NBEA: variants seen among roughly 807,000 people sequenced by gnomAD.
NBEA encodes the protein neurobeachin.
NBEA carries 44 observed loss-of-function variants against 343.4 expected under a neutral mutation model. That is an observed-to-expected ratio of 0.13 (90% CI 0.10 to 0.16). The LOEUF is 0.16. NBEA is among the 10% of genes least tolerant of loss of function. The pLI is 1.00. For missense variants in NBEA, 2,555 were observed against 3,631.3 expected, an observed-to-expected ratio of 0.70 and a Z score of 7.62; for synonymous variants, 1,175 against 1,238.7, an observed-to-expected ratio of 0.95 and a Z score of 1.08.
intron 33 of NBEA, among the ~76,000 whole-genome samples, chr13:35,220,770 A>G (rs966033652): frequency 7.9e-5 from 12 of 152,012 alleles, no homozygotes; most frequent in Admixed American, 3.3e-4. Flanking sequence ...CTTTCATTCA[A>G]TTTTGAAACT....
chr13:35,356,573 A>G (rs2040502670), intron 38 of NBEA, among the ~76,000 whole-genome samples: 2 of 152,182 alleles, frequency 1.3e-5, no homozygotes, highest in African/African-American at 4.8e-5. Flanking sequence ...TATTTATGTC[A>G]TACTTAGGAG....
intron 47 of NBEA, among the ~76,000 whole-genome samples, chr13:35,601,183 A>C (rs35311842): frequency 0.86 from 128,063 of 148,530 alleles, 56,017 homozygotes; most frequent in East Asian, 0.96. Context: ...TCTCAACAAA[A>C]AAAAAAAAAA....
chr13:34,942,669 C>G lies in NBEA; in HGVS notation c.-152C>G. The G allele has an allele frequency of 4.3e-6, 2 of 460,582 alleles. No individual in the cohort carries two copies. The highest frequency in any genetic ancestry group is 6.8e-6 in the Non-Finnish European group (2 of 293,428). 28.5% of individuals were successfully genotyped at this position (460,582 alleles called of 1,614,324 possible). On this transcript the variant is annotated 5_prime_UTR_variant, in exon 1 of 59. Transcript: ENST00000379939. The stretch of plus-strand genomic sequence containing the variant: ...GGGGAGAGCGCCGGAGCGGGCCGGG[C>G]TGAGGCGCAGGCGGGGAGCGGGCCC...
intron 53 of NBEA, among the ~76,000 whole-genome samples, chr13:35,654,639 A>C (rs1422688677): frequency 1.3e-5 from 2 of 152,186 alleles, no homozygotes; most frequent in Non-Finnish European, 2.9e-5. Flanking sequence ...GGGAGAACTA[A>C]AATTTCTGGC....
chr13:35,568,866 A>T (rs2080260155), intron 45 of NBEA, among the ~76,000 whole-genome samples: 1 of 152,226 alleles, frequency 6.6e-6, no homozygotes, highest in Non-Finnish European at 1.5e-5. Context: ...TAGGAACAAG[A>T]ACTCTGCAGC....
At chr13:35,200,189 TTAGA>T (rs1163843612) in intron 31 of NBEA, among the ~76,000 whole-genome samples, 13 of 152,138 alleles carry the variant, frequency 8.5e-5, no homozygotes, top group African/African-American at 2.6e-4. Flanking sequence ...TACTATCTCT[TTAGA>T]TAGATTGCTA....
intron 49 of NBEA, among the ~76,000 whole-genome samples, chr13:35,637,718 A>G (rs1011794605): frequency 6.6e-6 from 1 of 152,158 alleles, no homozygotes; most frequent in African/African-American, 2.4e-5. Context: ...GCTACTCGGG[A>G]GGCTGAGGCA....
At chr13:35,059,964 G>A (rs1280998042) in intron 8 of NBEA, among the ~76,000 whole-genome samples, 1 of 151,654 alleles carries the variant, frequency 6.6e-6, no homozygotes, top group Non-Finnish European at 1.5e-5. Flanking sequence ...ACTTGTGCTT[G>A]TACAGTTACT....
intron 38 of NBEA, among the ~76,000 whole-genome samples, chr13:35,395,007 A>T (rs1008819007): frequency 6.6e-6 from 1 of 152,066 alleles, no homozygotes; most frequent in African/African-American, 2.4e-5. Context: ...TTTGTAACCC[A>T]TGTATTATTT....
chr13:35,365,888 C>T (rs980826083), intron 38 of NBEA, among the ~76,000 whole-genome samples: 2 of 151,522 alleles, frequency 1.3e-5, no homozygotes, highest in South Asian at 2.1e-4. Context: ...TATATGCACA[C>T]TCAAATTGTA....
At chr13:35,020,508 T>A (rs1049517429) in intron 1 of NBEA, among the ~76,000 whole-genome samples, 46 of 152,138 alleles carry the variant, frequency 3.0e-4, no homozygotes, top group African/African-American at 1.0e-3. Context: ...TGTTTGATAG[T>A]GTTGCTGAAA....
At chr13:35,375,999 G>A (rs1031923288) in intron 38 of NBEA, among the ~76,000 whole-genome samples, 3 of 152,140 alleles carry the variant, frequency 2.0e-5, no homozygotes, top group African/African-American at 7.2e-5. Flanking sequence ...ACAGTTGTCA[G>A]GGACTAATTG....
At chr13:35,278,770 A>T (rs1344127326) in intron 34 of NBEA, among the ~76,000 whole-genome samples, 2 of 152,206 alleles carry the variant, frequency 1.3e-5, no homozygotes, top group Admixed American at 1.3e-4. Flanking sequence ...TAGCACAAGG[A>T]TTGGCAAACT....
At chr13:35,476,305 G>A in intron 41 of NBEA, 1 of 560,510 alleles carries the variant, frequency 1.8e-6, no homozygotes, top group East Asian at 5.2e-5. Context: ...CCCTGCTGCT[G>A]CTGCTGCTGC....
At chr13:35,475,017 T>A in intron 41 of NBEA, 1 of 1,580,794 alleles carries the variant, frequency 6.3e-7, no homozygotes, top group Non-Finnish European at 8.6e-7. Context: ...TAATAAGGAC[T>A]TTGAGAAGGG....
chr13:34,969,046 T>G (rs2059916421), intron 1 of NBEA, among the ~76,000 whole-genome samples: 1 of 151,680 alleles, frequency 6.6e-6, no homozygotes, highest in South Asian at 2.1e-4. Flanking sequence ...ATCATGACTT[T>G]TATCACATTC....
intron 45 of NBEA, among the ~76,000 whole-genome samples, chr13:35,571,313 GTTTCA>G (rs2080404870): frequency 6.6e-6 from 1 of 152,142 alleles, no homozygotes; most frequent in Non-Finnish European, 1.5e-5. Flanking sequence ...CTGAATGAAA[GTTTCA>G]GAAAACACAG....
intron 45 of NBEA, among the ~76,000 whole-genome samples, chr13:35,583,696 A>G (rs1735819162): frequency 6.6e-6 from 1 of 152,230 alleles, no homozygotes; most frequent in South Asian, 2.1e-4. Flanking sequence ...ACTATGAATT[A>G]TCCTCTTGGG....
intron 35 of NBEA, among the ~76,000 whole-genome samples, chr13:35,293,131 A>G (rs971672917): frequency 6.6e-6 from 1 of 151,972 alleles, no homozygotes; most frequent in African/African-American, 2.4e-5. Context: ...TGCCCAAAAT[A>G]TGGTCTAAAT....
Sources: gnomAD v4.1 joint callset for allele counts (sites outside exome capture counted in the v4.1 genomes callset) on GRCh38, gnomAD v4.1.1 for gene constraint, MANE v1.5 for transcripts, NCBI Gene and HGNC (gene_info 2026-07-23, HGNC 2026-07-21) for gene names.